PACSIN1: variants seen among roughly 807,000 people sequenced by gnomAD.
PACSIN1 encodes the protein protein kinase C and casein kinase substrate in neurons 1.
A neutral mutation model predicts 59.5 loss-of-function variants in PACSIN1; 15 were observed. The observed-to-expected ratio is 0.25, with a 90% CI of 0.17 to 0.39. PACSIN1 has a LOEUF of 0.39. Among genes scored for constraint, PACSIN1 ranks in the 10% least tolerant of loss-of-function variants. The pLI, the probability that PACSIN1 is intolerant of heterozygous loss-of-function variation, is 1.00. For synonymous variants in PACSIN1, 210 were observed against 220.6 expected (o/e 0.95, Z 0.42); for missense variants, 420 against 580.2 (o/e 0.72, Z 2.84).
chr6:34,523,834 G>A (rs962179113), intron 1 of PACSIN1, among the ~76,000 whole-genome samples: 1 of 152,182 alleles, frequency 6.6e-6, no homozygotes, highest in Admixed American at 6.5e-5. Context: ...ACATGATACG[G>A]GGGTCCACAT....
Position 34,477,329 on chromosome 6 carries a change from T to A in PACSIN1, c.-64+11059T>A, listed in dbSNP as rs183637047. Among the ~76,000 whole-genome samples, 121 of 138,788 alleles carry A rather than the reference T, an allele frequency of 8.7e-4. 1 individual carries two copies. In the East Asian group the frequency reaches 0.012, roughly 14 times the overall value. 91.1% of individuals were successfully genotyped at this position (138,788 alleles called of 152,430 possible). ...AACATAGGGAGATGCTGTCTCTATT[T>A]AAAAAAAAAAGAAAAAAGAAAAAGA... On this transcript the variant is annotated intron_variant, in intron 1 of 9. Transcript: ENST00000244458.
chr6:34,517,408 T>C (rs1353877963), intron 1 of PACSIN1, among the ~76,000 whole-genome samples: 3 of 152,056 alleles, frequency 2.0e-5, no homozygotes, highest in Non-Finnish European at 2.9e-5. Flanking sequence ...ATCCCACCTC[T>C]TCCCAAACCC....
Position 34,528,825 on chromosome 6 carries a change from CT to C in PACSIN1, c.405del (p.Glu136LysfsTer15). 6.4e-7 allele frequency: 1 copy of C among 1,553,764 alleles called. No homozygotes were observed. Among genetic ancestry groups the C allele is most frequent in the Non-Finnish European group, 8.7e-7 (1 of 1,143,044 alleles). On this transcript the variant is annotated frameshift_variant, in exon 4 of 10. Transcript: ENST00000244458. LOFTEE classifies it high-confidence loss of function. ...IMGGFKETKE[A>X]EDGFRKAQKP... ...GGTGGCTTCAAGGAGACGAAGGAGG[CT>C]GAAGATGGCTTCCGCAAGGCCCAGA...
At chr6:34,504,246 A>ATGTGTGTGTGTG (rs372732742) in intron 1 of PACSIN1, among the ~76,000 whole-genome samples, 24 of 107,818 alleles carry the variant, frequency 2.2e-4, no homozygotes, top group Admixed American at 6.4e-4. Flanking sequence ...AGACAATGTT[A>ATGTGTGTGTGTG]TGTGTGTGTG....
intron 1 of PACSIN1, among the ~76,000 whole-genome samples, chr6:34,501,229 C>T (rs1767018160): frequency 6.6e-6 from 1 of 152,216 alleles, no homozygotes; most frequent in South Asian, 2.1e-4. Flanking sequence ...CAGGCATGAG[C>T]CACTGAGGCT....
At chr6:34,466,902 C>T (rs1766504808) in intron 1 of PACSIN1, among the ~76,000 whole-genome samples, 1 of 152,150 alleles carries the variant, frequency 6.6e-6, no homozygotes. Flanking sequence ...GCCTCTGCCC[C>T]TTATTTTCAC....
intron 1 of PACSIN1, among the ~76,000 whole-genome samples, chr6:34,468,803 TGCTGG>T (rs1766531772): frequency 6.6e-6 from 1 of 152,222 alleles, no homozygotes. Flanking sequence ...GTCCTCTCCC[TGCTGG>T]GCTGTGGGGT....
intron 1 of PACSIN1, among the ~76,000 whole-genome samples, chr6:34,513,083 T>C (rs974127132): frequency 2.0e-5 from 3 of 152,204 alleles, no homozygotes; most frequent in Non-Finnish European, 4.4e-5. Flanking sequence ...CCCACAGCTG[T>C]ATCTCAGTGT....
intron 1 of PACSIN1, among the ~76,000 whole-genome samples, chr6:34,495,455 T>C (rs866199266): frequency 0.011 from 1,546 of 144,592 alleles, 24 homozygotes; most frequent in African/African-American, 0.038. Flanking sequence ...GGAATATCCT[T>C]TTTTTTTTTT....
chr6:34,493,892 C>T (rs1766912021), intron 1 of PACSIN1, among the ~76,000 whole-genome samples: 1 of 152,244 alleles, frequency 6.6e-6, no homozygotes, highest in African/African-American at 2.4e-5. Context: ...GGCCAGGCTT[C>T]TGTGGACACT....
chr6:34,480,084 CCA>C (rs1766693880), intron 1 of PACSIN1, among the ~76,000 whole-genome samples: 1 of 148,336 alleles, frequency 6.7e-6, no homozygotes, highest in Non-Finnish European at 1.5e-5. Flanking sequence ...CCTCGGCCTC[CCA>C]AAGTGCTGGG....
chr6:34,476,069 C>G (rs1256076750), intron 1 of PACSIN1, among the ~76,000 whole-genome samples: 2 of 152,126 alleles, frequency 1.3e-5, no homozygotes, highest in Non-Finnish European at 2.9e-5. Flanking sequence ...AGGCACCAGG[C>G]CATTCAGCAG....
chr6:34,483,006 T>C (rs1041887554), intron 1 of PACSIN1, among the ~76,000 whole-genome samples: 3 of 147,120 alleles, frequency 2.0e-5, no homozygotes, highest in African/African-American at 7.5e-5. Context: ...TTTAACTTTT[T>C]TTTTTTTTTT....
intron 1 of PACSIN1, among the ~76,000 whole-genome samples, chr6:34,498,960 G>C (rs73405687): frequency 0.013 from 1,944 of 152,082 alleles, 36 homozygotes; most frequent in African/African-American, 0.044. Context: ...GGGTTGGGGG[G>C]TGGTTTTCCA....
Position 34,515,799 on chromosome 6 carries a change from C to T in PACSIN1, c.-63-10444C>T, listed in dbSNP as rs564439218. On this transcript the variant is annotated intron_variant, in intron 1 of 9. Transcript: ENST00000244458. The surrounding 1 kb of genome is among the most constrained non-coding windows in gnomAD (Gnocchi z 4.4). ...TGGCCCTCCCTCCTGCGCTCCCTGT[C>T]CCTCTGCTGCATTGCTCCTGGGGAC... Among the ~76,000 whole-genome samples the T allele has an allele frequency of 7.9e-5, 12 of 152,340 alleles. No homozygotes were observed. The East Asian group carries it at 2.1e-3, about 27-fold the overall frequency.
Position 34,530,731 on chromosome 6 carries a change from A to C in PACSIN1, c.1037+144A>C. On this transcript the variant is annotated intron_variant, in intron 8 of 9. Transcript: ENST00000244458. The surrounding 1 kb of genome is among the most constrained non-coding windows in gnomAD (Gnocchi z 4.4). ...AAGATAGTGGTAGTTCATCACTCTA[A>C]AGCAGCCGTCCCCAATCTTTTTGGG... is the stretch of plus-strand genomic sequence containing the variant. 1.1e-6 allele frequency: 1 copy of C among 931,906 alleles called. No individual in the cohort carries two copies. Among genetic ancestry groups the C allele is most frequent in the Non-Finnish European group, 1.5e-6 (1 of 689,600 alleles). The allele number at this position is 931,906 out of a possible 1,614,324, so 57.7% of individuals were successfully genotyped here. A position where few individuals can be genotyped will look rare whatever the true frequency, so the allele number is the denominator to read the frequency against.
intron 1 of PACSIN1, among the ~76,000 whole-genome samples, chr6:34,472,271 CAAAAAAAAAAAA>C (rs61560626): frequency 6.4e-5 from 5 of 78,294 alleles, no homozygotes; most frequent in Non-Finnish European, 1.1e-4. Context: ...GACTCTGTCT[CAAAAAAAAAAAA>C]AAAAAAAAAA....
At chr6:34,492,996 A>C (rs1212075753) in intron 1 of PACSIN1, among the ~76,000 whole-genome samples, 1 of 152,240 alleles carries the variant, frequency 6.6e-6, no homozygotes, top group East Asian at 1.9e-4. Context: ...ACAGGGCAGA[A>C]GAGTGGGAGA....
intron 1 of PACSIN1, among the ~76,000 whole-genome samples, chr6:34,503,099 C>CA (rs953691898): frequency 3.3e-5 from 5 of 151,714 alleles, no homozygotes; most frequent in Non-Finnish European, 7.4e-5. Context: ...ACTATCACTA[C>CA]AAAAAAACAA....
Sources: allele counts gnomAD v4.1 joint callset (sites outside exome capture counted in the v4.1 genomes callset), GRCh38; gene constraint gnomAD v4.1.1; non-coding constraint Gnocchi (gnomAD v3.1); transcripts MANE v1.5; gene names NCBI Gene and HGNC (gene_info 2026-07-23, HGNC 2026-07-21).